PLXNB3: variants seen among roughly 807,000 people sequenced by gnomAD.
The protein encoded by PLXNB3 is plexin B3.
Under a neutral mutation model 125.7 loss-of-function variants are expected in PLXNB3, and 80 were observed. That is an observed-to-expected ratio of 0.64 (90% CI 0.53 to 0.77). PLXNB3 has a LOEUF of 0.77. Among genes scored for constraint, PLXNB3 ranks in the 30% least tolerant of loss-of-function variants. The pLI is 0.00. For missense variants in PLXNB3, 1,836 were observed against 1,729.3 expected, an observed-to-expected ratio of 1.06 and a Z score of -1.09; for synonymous variants, 954 against 783.3, an observed-to-expected ratio of 1.22 and a Z score of -3.64.
Position 153,765,514 on chromosome X carries a change from C to A in PLXNB3, c.-22C>A, listed in dbSNP as rs782706123. 1 of 1,186,280 alleles carries A rather than the reference C, an allele frequency of 8.4e-7. No homozygotes were observed. The highest frequency in any genetic ancestry group is 1.9e-5 in the South Asian group (1 of 53,848). On this transcript the variant is annotated 5_prime_UTR_variant, in exon 2 of 36. The change creates a new upstream start codon in the 5' untranslated region. Transcript: ENST00000361971. ...CCATCTCATGCCCATCGCCACTGCC[C>A]TGGGGCAGCTGAACTGAGCGTATGT... is the stretch of plus-strand genomic sequence containing the variant.
Position 153,769,928 on chromosome X carries a change from G to A in PLXNB3, c.1618G>A (p.Glu540Lys), listed in dbSNP as rs781836984. 6.3e-5 allele frequency: 76 copies of A among 1,206,260 alleles called. 1 individual carries two copies. In the South Asian group the frequency reaches 1.3e-3, roughly 20 times the overall value. ...SLLPGHHPRQEQGQVTLSVPR... is the reference protein window; with the variant it reads ...SLLPGHHPRQKQGQVTLSVPR... Reference sequence around the variant, plus strand: ...GCTGCCGGGCCACCACCCCCGCCAGGAGCAGGGCCAGGTAAGCCGCCCACC... The same window carrying A: ...GCTGCCGGGCCACCACCCCCGCCAGAAGCAGGGCCAGGTAAGCCGCCCACC... Residue 540 changes from glutamate to lysine, a missense_variant, in exon 7 of 36, where the codon GAG becomes AAG. Glu to Lys is a moderately conservative substitution (Grantham distance 56). Coordinates refer to ENST00000361971, the MANE Select transcript of PLXNB3 (RefSeq NM_005393.3).
chrX:153,777,715 C>T (rs1557064988), intron 31 of PLXNB3, 27 bp downstream of exon 31: 1 of 1,199,018 alleles, frequency 8.3e-7, no homozygotes, highest in South Asian at 1.8e-5. Context: ...CCCACCCCTG[C>T]TGTGCATATG....
intron 3 of PLXNB3, 134 bp downstream of exon 3, chrX:153,768,047 C>A: frequency 1.3e-6 from 1 of 786,275 alleles, no homozygotes; most frequent in Non-Finnish European, 1.8e-6. Flanking sequence ...AGGTCTCCTG[C>A]CTGCTCTCCA....
At position 153,768,312 on chromosome X, in the gene PLXNB3, C is replaced by T. The variant is rs1603242347; in HGVS notation, c.1150C>T (p.Pro384Ser). The T allele has an allele frequency of 3.3e-6, 4 of 1,208,647 alleles. No individual in the cohort carries two copies. Among genetic ancestry groups the T allele is most frequent in the African/African-American group, 1.7e-5 (1 of 58,015 alleles). ...CCCCAGCCCCATTGCTGGCCGCCAGCCCCTGGAGGTCCAGCCTCTGCTGAA... is the reference window on the plus strand; with the variant it reads ...CCCCAGCCCCATTGCTGGCCGCCAGTCCCTGGAGGTCCAGCCTCTGCTGAA... Reference protein sequence around the residue: ...HTPSPIAGRQPLEVQPLLKLG... With the variant: ...HTPSPIAGRQSLEVQPLLKLG... Residue 384 changes from proline to serine, a missense_variant, in exon 4 of 36, where the codon CCC becomes TCC. Physicochemically the swap from Pro to Ser is moderately conservative, Grantham distance 74. Transcript: ENST00000361971.
rs377188951 is a variant in PLXNB3, at chrX:153,774,156, C to T, written c.3520-30C>T. The T allele has an allele frequency of 6.5e-5, 78 of 1,201,283 alleles. No individual in the cohort carries two copies. In the African/African-American group the frequency reaches 1.3e-3, roughly 20 times the overall value. Reference sequence around the variant, plus strand: ...GTGCTCAGGCCGCCTCTGTGGGGGCCAGCGGCTTAGGCTCCCATGTGTGTC... The same window carrying T: ...GTGCTCAGGCCGCCTCTGTGGGGGCTAGCGGCTTAGGCTCCCATGTGTGTC... On this transcript the variant is annotated intron_variant, in intron 20 of 35. Coordinates refer to ENST00000361971, the MANE Select transcript of PLXNB3 (RefSeq NM_005393.3).
chrX:153,778,554 G>A (rs781957348), intron 34 of PLXNB3, 46 bp from the exon 35 acceptor site: 78 of 1,172,316 alleles, frequency 6.7e-5, no homozygotes, highest in Non-Finnish European at 8.0e-5. Context: ...TGGGGCTTGA[G>A]GACCAGGCTG....
intron 31 of PLXNB3, 122 bp downstream of exon 31, chrX:153,777,810 G>A: frequency 9.3e-7 from 1 of 1,070,182 alleles, no homozygotes; most frequent in Non-Finnish European, 1.3e-6. Context: ...AAGATCTAGG[G>A]CCCAGGTCAC....
rs782794914 is a variant in PLXNB3, at chrX:153,767,254, C to T, written c.427C>T (p.Arg143Trp). ...GGTGCGGCAGGGCGTGTGTGAGACA[C>T]GGCGCCTTGGGGATGTGGCCGAGGT... ...GQVRQGVCET[R>W]RLGDVAEVLY... Residue 143 changes from arginine (R) to tryptophan (W), a missense_variant, in exon 3 of 36, where the codon CGG becomes TGG. Transcript: ENST00000361971. The T allele has an allele frequency of 5.0e-6, 6 of 1,204,250 alleles. No homozygotes were observed. Among genetic ancestry groups the T allele is most frequent in the African/African-American group, 3.5e-5 (2 of 57,520 alleles).
intron 12 of PLXNB3, 100 bp from the exon 13 acceptor site, chrX:153,771,210 C>T: frequency 1.1e-6 from 1 of 928,624 alleles, no homozygotes; most frequent in Non-Finnish European, 1.6e-6. Context: ...GGGGGAGAGG[C>T]AGGGAACAAT....
In PLXNB3 at chrX:153,772,999, T is replaced by A; in HGVS notation, c.2889T>A (p.Gly963=). ...GTGGCAACACCAGTGCCTTCGTGGG[T>A]GGCCAACCCTGTCCCATGTGAGTCC... ...QTGGNTSAFV[G]GQPCPILEPV... Residue 963 remains glycine, a synonymous_variant, in exon 17 of 36, where the codon GGT becomes GGA. Coordinates refer to ENST00000361971, the MANE Select transcript of PLXNB3 (RefSeq NM_005393.3). 9 of 1,188,940 alleles carry A rather than the reference T, an allele frequency of 7.6e-6. No individual in the cohort carries two copies. Among genetic ancestry groups the A allele is most frequent in the Non-Finnish European group, 1.0e-5 (9 of 886,352 alleles).
Position 153,774,304 on chromosome X carries a change from C to T in PLXNB3, c.3638C>T (p.Ala1213Val). ...CTGTACTGCGAGCCGCCTGCGCACG[C>T]CCCGCAGCCTGCCAATGGCTCCGGC... ...THLYCEPPAH[A>V]PQPANGSGLP... Residue 1213 changes from alanine (A) to valine (V), a missense_variant, in exon 21 of 36, where the codon GCC becomes GTC. Coordinates refer to ENST00000361971, the MANE Select transcript of PLXNB3 (RefSeq NM_005393.3). The T allele has an allele frequency of 1.7e-6, 2 of 1,164,010 alleles. No homozygotes were observed. Among genetic ancestry groups the T allele is most frequent in the Non-Finnish European group, 2.3e-6 (2 of 874,037 alleles).
chrX:153,770,220 C>T lies in PLXNB3; in HGVS notation c.1758C>T (p.Asp586=). 8.3e-7 allele frequency: 1 copy of T among 1,211,177 alleles called. No individual in the cohort carries two copies. Among genetic ancestry groups the T allele is most frequent in the Middle Eastern group, 2.3e-4 (1 of 4,356 alleles). ...TGGCCTGTGTCACCCCTCCCCAAGA[C>T]CAGGTGCCACTTAACCCTCCAGGCA... is the stretch of plus-strand genomic sequence containing the variant. The part of the protein sequence containing the change: ...PHVACVTPPQ[D]QVPLNPPGTD... Residue 586 remains aspartate, a synonymous_variant, in exon 8 of 36, where the codon GAC becomes GAT. Coordinates refer to ENST00000361971, the MANE Select transcript of PLXNB3 (RefSeq NM_005393.3).
Position 153,770,321 on chromosome X carries a change from C to T in PLXNB3, c.1787-17C>T, listed in dbSNP as rs1557061216. On this transcript the variant is annotated splice_polypyrimidine_tract_variant and intron_variant, in intron 8 of 35. Coordinates refer to ENST00000361971, the MANE Select transcript of PLXNB3 (RefSeq NM_005393.3). ...ATGAGCCACCTGACCTGTCCTGCCC[C>T]CACTGTCCCCTCCCAGACCACGTCA... 8.3e-7 allele frequency: 1 copy of T among 1,204,381 alleles called. No homozygotes were observed. Among genetic ancestry groups the T allele is most frequent in the Admixed American group, 2.2e-5 (1 of 45,951 alleles).
Position 153,770,265 on chromosome X carries a change from G to A in PLXNB3, c.1786+17G>A, listed in dbSNP as rs782033146. 47 of 1,207,955 alleles carry A rather than the reference G, an allele frequency of 3.9e-5. No individual in the cohort carries two copies. Among genetic ancestry groups the A allele is most frequent in the Admixed American group, 3.1e-4 (14 of 45,860 alleles). On this transcript the variant is annotated intron_variant, in intron 8 of 35. Transcript: ENST00000361971. ...CAGGCACAGGTGAGTGGCCCATGGG[G>A]TAGGGGGCTGGGATGGAGGCTGGAG... is the stretch of plus-strand genomic sequence containing the variant.
At chrX:153,764,889 G>A (rs903753929) in intron 1 of PLXNB3, among the ~76,000 whole-genome samples, 17 of 113,090 alleles carry the variant, frequency 1.5e-4, no homozygotes, top group South Asian at 3.6e-4. Context: ...GCCTCCTCCC[G>A]TGGTCCTGCT....
chrX:153,778,173 C>T, intron 32 of PLXNB3, 78 bp downstream of exon 32: 1 of 1,198,362 alleles, frequency 8.3e-7, no homozygotes, highest in Non-Finnish European at 1.1e-6. Context: ...GAGGGCTGTG[C>T]ACAGAGCTCT....
chrX:153,778,698 G>A (rs782611768), intron 35 of PLXNB3, 24 bp downstream of exon 35: 5 of 1,173,990 alleles, frequency 4.3e-6, no homozygotes, highest in East Asian at 3.0e-5. Context: ...CACTCCGGAG[G>A]GGAGGCACAG....
Position 153,778,432 on chromosome X carries a change from C to A in PLXNB3, c.5511C>A (p.Ser1837Arg). ...YADIRQSSPA[S>R]YQEMNSALAE... The stretch of plus-strand genomic sequence containing the variant: ...ACATTCGCCAGAGCTCTCCGGCGAG[C>A]TACCAGGAGATGAACTCTGCTTTGG... The change falls in exon 34 of 36, where the codon AGC (serine) becomes AGA (arginine). Residue 1837 changes from serine to arginine, a missense_variant. Ser to Arg is a moderately radical substitution (Grantham distance 110). Coordinates refer to ENST00000361971, the MANE Select transcript of PLXNB3 (RefSeq NM_005393.3). 4.1e-6 allele frequency: 5 copies of A among 1,211,357 alleles called. No individual in the cohort carries two copies. Among genetic ancestry groups the A allele is most frequent in the Non-Finnish European group, 5.6e-6 (5 of 895,393 alleles).
Position 153,775,251 on chromosome X carries a change from C to T in PLXNB3, c.4182C>T (p.Pro1394=). ...TCATCCACACCCTGGAGGAGCAGCC[C>T]AGCTTTTCCCAGAGGGATCGCTGCC... The part of the protein sequence containing the change: ...LTLIHTLEEQ[P]SFSQRDRCHV... Residue 1394 remains proline, a synonymous_variant, in exon 25 of 36, where the codon CCC becomes CCT. Coordinates refer to ENST00000361971, the MANE Select transcript of PLXNB3 (RefSeq NM_005393.3). 8.4e-7 allele frequency: 1 copy of T among 1,194,522 alleles called. No homozygotes were observed. Among genetic ancestry groups the T allele is most frequent in the Non-Finnish European group, 1.1e-6 (1 of 887,344 alleles).
Sources: gnomAD v4.1 joint callset for allele counts (sites outside exome capture counted in the v4.1 genomes callset) on GRCh38, gnomAD v4.1.1 for gene constraint, MANE v1.5 for transcripts, NCBI Gene and HGNC (gene_info 2026-07-23, HGNC 2026-07-21) for gene names.